The following ZNF732 variants were observed in gnomAD, a reference collection of about 807,000 sequenced individuals.
The protein encoded by ZNF732 is zinc finger protein 732.
A neutral mutation model predicts 11.5 loss-of-function variants in ZNF732; 12 were observed. The ratio of observed to expected loss-of-function variants is 1.05; its 90% CI spans 0.67 to 1.70. The LOEUF is 1.70. Ranked by LOEUF, ZNF732 falls within the 40% of genes most tolerant of loss-of-function variation. The pLI is 0.00. For missense variants in ZNF732, 702 were observed against 676.9 expected (o/e 1.04, Z -0.41); for synonymous variants, 231 against 236.5 (o/e 0.98, Z 0.21).
intron 3 of ZNF732, among the ~76,000 whole-genome samples, chr4:290,036 AGATGCTACAATATG>A (rs1719808190): frequency 6.6e-6 from 1 of 152,264 alleles, no homozygotes; most frequent in Non-Finnish European, 1.5e-5. Flanking sequence ...ATATCTTGTC[AGATGCTACAATATG>A]GATAAATCTT....
chr4:305,234 G>GTCCCGCCGCCGCCATT, intron 1 of ZNF732, 74 bp downstream of exon 1: 2 of 1,556,634 alleles, frequency 1.3e-6, no homozygotes, highest in South Asian at 2.3e-5. Context: ...CGCAGACTCC[G>GTCCCGCCGCCGCCATT]TCCCGCCGCC....
chr4:275,272 AAC>A (rs1234674262), intron 3 of ZNF732, among the ~76,000 whole-genome samples: 1 of 151,772 alleles, frequency 6.6e-6, no homozygotes, highest in Admixed American at 6.6e-5. Context: ...GAAATTAAAC[AAC>A]ACACACTTAA....
In ZNF732 at chr4:271,459, T is replaced by G. The variant is rs782474866; in HGVS notation, c.1398A>C (p.Lys466Asn). Residue 466 changes from lysine (K) to asparagine (N), a missense_variant, in exon 4 of 4, where the codon AAA (lysine) becomes AAC (asparagine). This residue lies in a region of ZNF732 where 596 missense variants were observed against 557.9 expected (regional missense o/e 1.07). Coordinates refer to ENST00000419098, the MANE Select transcript of ZNF732 (RefSeq NM_001137608.3). Reference protein sequence around the residue: ...GWSAYLSKHKKIHTGEKPYRC... With the variant: ...GWSAYLSKHKNIHTGEKPYRC... The stretch of plus-strand genomic sequence containing the variant: ...TATAAGGTTTCTCTCCAGTATGAAT[T>G]TTCTTATGTTTACTCAGGTATGCAG... The G allele has an allele frequency of 4.9e-5, 78 of 1,607,500 alleles. No homozygotes were observed. The South Asian group carries it at 8.2e-4, about 17-fold the overall frequency.
In ZNF732 at chr4:271,302, T is replaced by A; in HGVS notation, c.1555A>T (p.Lys519Ter). 1 of 1,597,058 alleles carries A rather than the reference T, an allele frequency of 6.3e-7. No homozygotes were observed. The highest frequency in any genetic ancestry group is 8.5e-7 in the Non-Finnish European group (1 of 1,171,232). ...TCTCCAGTATGAATTTTCTTATGTTTACTCAGGTATGTGGACCATCCAAAG... is the reference window on the plus strand; with the variant it reads ...TCTCCAGTATGAATTTTCTTATGTTAACTCAGGTATGTGGACCATCCAAAG... ...KAFGWSTYLS[K>*]HKKIHTGEKP... Residue 519 changes from lysine to a stop codon, truncating the protein, a stop_gained, in exon 4 of 4, where the codon AAA becomes TAA. Transcript: ENST00000419098. LOFTEE classifies it low-confidence loss of function (END_TRUNC).
intron 3 of ZNF732, among the ~76,000 whole-genome samples, chr4:278,247 A>C (rs1172276430): frequency 6.6e-6 from 1 of 152,180 alleles, no homozygotes; most frequent in East Asian, 1.9e-4. Flanking sequence ...AAGAAAAAAA[A>C]TATGGACACA....
At chr4:290,938 T>C (rs1482521646) in intron 3 of ZNF732, among the ~76,000 whole-genome samples, 5 of 152,172 alleles carry the variant, frequency 3.3e-5, no homozygotes, top group Admixed American at 3.3e-4. Flanking sequence ...CTGTAAATCA[T>C]TGTTAAATCC....
Position 271,667 on chromosome 4 carries a change from T to G in ZNF732, c.1190A>C (p.Lys397Thr). 2 of 1,611,516 alleles carry G rather than the reference T, an allele frequency of 1.2e-6. No homozygotes were observed. The highest frequency in any genetic ancestry group is 2.2e-5 in the South Asian group (2 of 90,840). ...EKPYTCEECG[K>T]AFSRFTTLNE... ...AAGGGTTGTGAACCGACTAAAGGCT[T>G]TTCCACATTCTTCACATGTGTAGGG... The change falls in exon 4 of 4, where the codon AAA becomes ACA. Residue 397 changes from lysine to threonine, a missense_variant. Physicochemically the swap from Lys to Thr is moderately conservative, Grantham distance 78 (BLOSUM62 -1). This residue lies in a region of ZNF732 where 596 missense variants were observed against 557.9 expected (regional missense o/e 1.07). Coordinates refer to ENST00000419098, the MANE Select transcript of ZNF732 (RefSeq NM_001137608.3).
At chr4:288,943 C>T (rs560452761) in intron 3 of ZNF732, among the ~76,000 whole-genome samples, 35 of 152,228 alleles carry the variant, frequency 2.3e-4, no homozygotes, top group Non-Finnish European at 4.4e-4. Flanking sequence ...AGTTTATCCT[C>T]GTATTGCTAT....
At chr4:302,374 A>G (rs1720135726) in intron 1 of ZNF732, among the ~76,000 whole-genome samples, 1 of 152,228 alleles carries the variant, frequency 6.6e-6, no homozygotes, top group East Asian at 1.9e-4. Context: ...GCAATCTACT[A>G]AGAGACTACA....
At chr4:305,273 TC>T in intron 1 of ZNF732, 34 bp downstream of exon 1, 1 of 1,601,700 alleles carries the variant, frequency 6.2e-7, no homozygotes, top group African/African-American at 1.3e-5. Flanking sequence ...GGATGAGGCC[TC>T]CCCAGCCTTG....
Position 270,944 on chromosome 4 carries a change from C to G in ZNF732, c.*155G>C. On this transcript the variant is annotated 3_prime_UTR_variant, in exon 4 of 4. Coordinates refer to ENST00000419098, the MANE Select transcript of ZNF732 (RefSeq NM_001137608.3). ...CATTCTTTACATTTGTAGGGTTTTT[C>G]TCCAGTATGAATTCTTACTTTCATT... 1 of 791,640 alleles carries G rather than the reference C, an allele frequency of 1.3e-6. No individual in the cohort carries two copies. Among genetic ancestry groups the G allele is most frequent in the Non-Finnish European group, 2.2e-6 (1 of 459,546 alleles). 49.0% of individuals were successfully genotyped at this position (791,640 alleles called of 1,614,324 possible).
At chr4:297,066 G>A (rs1441366751) in intron 1 of ZNF732, among the ~76,000 whole-genome samples, 1 of 152,130 alleles carries the variant, frequency 6.6e-6, no homozygotes, top group Non-Finnish European at 1.5e-5. Flanking sequence ...TCAGGAGTTT[G>A]AGACCACCCT....
chr4:272,806 T>G (rs898946203), intron 3 of ZNF732, among the ~76,000 whole-genome samples, 176 bp from the exon 4 acceptor site: 1 of 152,010 alleles, frequency 6.6e-6, no homozygotes, highest in African/African-American at 2.4e-5. Flanking sequence ...CAAAATGCCT[T>G]TTAGTGAAAT....
At position 271,707 on chromosome 4, in the gene ZNF732, G is replaced by C; in HGVS notation, c.1150C>G (p.His384Asp). Residue 384 changes from histidine to aspartate, a missense_variant, in exon 4 of 4, where the codon CAT (histidine) becomes GAT (aspartate). His to Asp is a moderately conservative substitution (Grantham distance 81). Coordinates refer to ENST00000419098, the MANE Select transcript of ZNF732 (RefSeq NM_001137608.3). ...CATGTGTAGGGTTTCTCTCCAGTAT[G>C]AATACTCTTATGTTTATTAAGGGTT... ...SATLNKHKSI[H>D]TGEKPYTCEE... is the part of the protein sequence containing the mutation. The C allele has an allele frequency of 6.2e-7, 1 of 1,612,768 alleles. No individual in the cohort carries two copies. Among genetic ancestry groups the C allele is most frequent in the Non-Finnish European group, 8.5e-7 (1 of 1,179,282 alleles).
At chr4:293,805 T>C (rs934264410) in intron 3 of ZNF732, among the ~76,000 whole-genome samples, 16 of 152,194 alleles carry the variant, frequency 1.1e-4, no homozygotes, top group African/African-American at 3.9e-4. Context: ...TATGTGCATA[T>C]CATTACATTG....
At chr4:301,546 T>G (rs570297601) in intron 1 of ZNF732, among the ~76,000 whole-genome samples, 36 of 152,260 alleles carry the variant, frequency 2.4e-4, no homozygotes, top group African/African-American at 8.7e-4. Context: ...CCATAAAAAA[T>G]GATGAGTTCG....
At chr4:303,290 G>C (rs1203688924) in intron 1 of ZNF732, among the ~76,000 whole-genome samples, 5 of 152,130 alleles carry the variant, frequency 3.3e-5, no homozygotes, top group Admixed American at 3.3e-4. Flanking sequence ...TTCGGGCCGA[G>C]AGAACTTTGA....
intron 1 of ZNF732, among the ~76,000 whole-genome samples, chr4:299,391 G>GTGTATGTATATACACATATA (rs1343524347): frequency 3.3e-5 from 1 of 30,752 alleles, no homozygotes; most frequent in Admixed American, 4.8e-4. Flanking sequence ...ATACACATAT[G>GTGTATGTATATACACATATA]TACACATATG....
intron 3 of ZNF732, among the ~76,000 whole-genome samples, chr4:291,004 C>T (rs1337111786): frequency 6.6e-6 from 1 of 152,210 alleles, no homozygotes; most frequent in Non-Finnish European, 1.5e-5. Context: ...CCCAGATCTA[C>T]AAGCATGCTT....
Sources: allele counts gnomAD v4.1 joint callset (sites outside exome capture counted in the v4.1 genomes callset), GRCh38; gene constraint gnomAD v4.1.1; regional missense constraint gnomAD v4.1.1; transcripts MANE v1.5; gene names NCBI Gene and HGNC (gene_info 2026-07-23, HGNC 2026-07-21).